The following MYO3A variants were observed in gnomAD, a reference collection of about 807,000 sequenced individuals.
The protein encoded by MYO3A is myosin IIIA.
Under a neutral mutation model 192.7 loss-of-function variants are expected in MYO3A, and 180 were observed. That is an observed-to-expected ratio of 0.93 (90% CI 0.83 to 1.06). The LOEUF is 1.06. MYO3A is among the 50% of genes least tolerant of loss of function. The probability of loss-of-function intolerance (pLI) is 0.00; values close to 1 mark genes in which losing one functional copy is unlikely to be tolerated. For missense variants in MYO3A, 1,896 were observed against 1,905.0 expected, an observed-to-expected ratio of 1.00 and a Z score of 0.09; for synonymous variants, 628 against 645.3, an observed-to-expected ratio of 0.97 and a Z score of 0.41.
chr10:26,170,880 C>G (rs981734086), intron 29 of MYO3A, among the ~76,000 whole-genome samples: 1 of 152,222 alleles, frequency 6.6e-6, no homozygotes, highest in African/African-American at 2.4e-5. Context: ...GCTTTAATAG[C>G]CAATATGCCA....
chr10:26,138,398 A>G (rs570861371), intron 20 of MYO3A, among the ~76,000 whole-genome samples: 2 of 152,328 alleles, frequency 1.3e-5, no homozygotes, highest in South Asian at 4.1e-4. Flanking sequence ...AGGTCTTCCA[A>G]CTGTATTTTT....
In MYO3A at chr10:26,026,443, T is replaced by C. The variant is rs1351001048; in HGVS notation, c.864T>C (p.Thr288=). The change falls in exon 10 of 35, where the codon ACT becomes ACC. Residue 288 remains threonine, a synonymous_variant. Coordinates refer to ENST00000642920, the MANE Select transcript of MYO3A (RefSeq NM_017433.5). ...AACTTTTACAGCATAAATTCATTAC[T>C]CAAATTGAGGGCAAAGATGTGATGC... ...VSELLQHKFI[T]QIEGKDVMLQ... is the part of the protein sequence containing the mutation. 1 of 1,614,140 alleles carries C rather than the reference T, an allele frequency of 6.2e-7. No individual in the cohort carries two copies. The highest frequency in any genetic ancestry group is 1.6e-4 in the Middle Eastern group (1 of 6,062).
At chr10:26,021,256 A>G (rs922247061) in intron 7 of MYO3A, among the ~76,000 whole-genome samples, 4 of 152,144 alleles carry the variant, frequency 2.6e-5, no homozygotes, top group African/African-American at 7.2e-5. Flanking sequence ...CATATTTTCA[A>G]AAATATTTTT....
chr10:26,120,772 C>CCTGGAGA lies in MYO3A; in HGVS notation c.1873_1874insCTGGAGA (p.His625ProfsTer6). The CCTGGAGA allele has an allele frequency of 6.2e-7, 1 of 1,614,038 alleles. No individual in the cohort carries two copies. The highest frequency in any genetic ancestry group is 8.5e-7 in the Non-Finnish European group (1 of 1,179,982). On this transcript the variant is annotated frameshift_variant, in exon 18 of 35. Transcript: ENST00000642920. LOFTEE classifies it high-confidence loss of function. ...AACTGAACACCAGATTGACAAGAGCCACATTTCTAATCATACAGCCCTGGA... is the reference window on the plus strand; with the variant it reads ...AACTGAACACCAGATTGACAAGAGCCCTGGAGAACATTTCTAATCATACAGCCCTGGA...
chr10:26,034,534 G>C (rs919160943), intron 10 of MYO3A, among the ~76,000 whole-genome samples: 1 of 152,160 alleles, frequency 6.6e-6, no homozygotes, highest in Admixed American at 6.5e-5. Context: ...GCACCGTTCT[G>C]AAAACAAGAT....
rs12265745 is a variant in MYO3A at position 26,134,135 on chromosome 10, T to G, written c.2262+5597T>G. ...ATCTTAGCATGCATTAGTATATATA[T>G]TTTTTTCTGAATAAGGAAGCTGCTG... On this transcript the variant is annotated intron_variant, in intron 20 of 34. Coordinates refer to ENST00000642920, the MANE Select transcript of MYO3A (RefSeq NM_017433.5). 5.8e-3 allele frequency among the ~76,000 whole-genome samples: 885 copies of G among 152,260 alleles called. 15 individuals are homozygous for G. Among genetic ancestry groups the G allele is most frequent in the African/African-American group, 0.02 (840 of 41,538 alleles).
At chr10:25,954,844 A>G in intron 3 of MYO3A, 30 bp from the exon 4 acceptor site, 1 of 1,603,624 alleles carries the variant, frequency 6.2e-7, no homozygotes, top group Middle Eastern at 1.8e-4. Flanking sequence ...GTTTTCTCAC[A>G]GTTCTATTCT....
rs533497850 is a variant in MYO3A, at chr10:26,129,898, G to T, written c.2262+1360G>T. On this transcript the variant is annotated intron_variant, in intron 20 of 34. Coordinates refer to ENST00000642920, the MANE Select transcript of MYO3A (RefSeq NM_017433.5). ...AAAACAAGTAAAAAATTTTTGGTTT[G>T]AACTTTTTGATATGATCTATCAGAA... 2.6e-5 allele frequency among the ~76,000 whole-genome samples: 4 copies of T among 152,204 alleles called. No homozygotes were observed. In the East Asian group the frequency reaches 7.7e-4, roughly 29 times the overall value.
chr10:26,014,382 A>C (rs1175516923), intron 6 of MYO3A, among the ~76,000 whole-genome samples: 2 of 152,156 alleles, frequency 1.3e-5, no homozygotes, highest in Admixed American at 1.3e-4. Flanking sequence ...TAAACTTCAT[A>C]TAACTTTCAG....
chr10:26,143,735 G>T, intron 21 of MYO3A, 134 bp downstream of exon 21: 1 of 1,078,360 alleles, frequency 9.3e-7, no homozygotes, highest in Non-Finnish European at 1.4e-6. Context: ...CTTTAAAGAA[G>T]AGCCTTTGGA....
At chr10:26,089,090 T>C (rs569220001) in intron 15 of MYO3A, among the ~76,000 whole-genome samples, 2 of 152,346 alleles carry the variant, frequency 1.3e-5, no homozygotes, top group South Asian at 4.1e-4. Flanking sequence ...TTCATTTTTC[T>C]TATGTTGGTT....
intron 8 of MYO3A, chr10:26,022,574 G>C (rs985097394): frequency 2.0e-5 from 3 of 151,978 alleles, no homozygotes; most frequent in African/African-American, 7.2e-5. Context: ...TTTACATACT[G>C]CTTATTTTGT....
intron 4 of MYO3A, among the ~76,000 whole-genome samples, chr10:25,964,977 T>C (rs1291544351): frequency 6.6e-6 from 1 of 152,206 alleles, no homozygotes; most frequent in African/African-American, 2.4e-5. Context: ...CCAGAAGTAT[T>C]GAACCTCATT....
At chr10:25,993,672 A>T (rs1289928804) in intron 4 of MYO3A, among the ~76,000 whole-genome samples, 1 of 152,200 alleles carries the variant, frequency 6.6e-6, no homozygotes, top group African/African-American at 2.4e-5. Flanking sequence ...TTCCCTCTAC[A>T]CACTGCTTTA....
At chr10:26,078,078 ATTC>A (rs1835702428) in intron 14 of MYO3A, among the ~76,000 whole-genome samples, 1 of 148,072 alleles carries the variant, frequency 6.8e-6, no homozygotes, top group Non-Finnish European at 1.5e-5. Flanking sequence ...GTTAGTAACA[ATTC>A]TTCTTTAATG....
intron 20 of MYO3A, 37 bp from the exon 21 acceptor site, chr10:26,143,411 T>G (rs753900848): frequency 6.4e-7 from 1 of 1,562,990 alleles, no homozygotes; most frequent in Non-Finnish European, 8.8e-7. Context: ...AAGCTATATA[T>G]TATTCACAGT....
At chr10:26,189,067 A>G (rs1406152474) in intron 31 of MYO3A, among the ~76,000 whole-genome samples, 2 of 152,204 alleles carry the variant, frequency 1.3e-5, no homozygotes, top group Non-Finnish European at 2.9e-5. Flanking sequence ...GAATCTATAA[A>G]CAAACCACTG....
chr10:25,949,693 G>A (rs893676759), intron 2 of MYO3A, among the ~76,000 whole-genome samples: 3 of 152,074 alleles, frequency 2.0e-5, no homozygotes, highest in African/African-American at 7.2e-5. Flanking sequence ...GTGCCCGTAA[G>A]TATAATGAAT....
chr10:26,038,582 CTTGTGGAG>C lies in MYO3A; in HGVS notation c.953+12055_953+12062del, dbSNP rs762109241. Among the ~76,000 whole-genome samples, 2 of 152,064 alleles carry C rather than the reference CTTGTGGAG, an allele frequency of 1.3e-5. 1 individual carries two copies. The highest frequency in any genetic ancestry group is 2.9e-5 in the Non-Finnish European group (2 of 68,002). ...CTGATTTATCAGTTCTAATAGTTTT[CTTGTGGAG>C]TTGTTTAGGTTTTTTCAAGTATACC... On this transcript the variant is annotated intron_variant, in intron 10 of 34. Transcript: ENST00000642920.
Sources: allele counts gnomAD v4.1 joint callset (sites outside exome capture counted in the v4.1 genomes callset), GRCh38; gene constraint gnomAD v4.1.1; transcripts MANE v1.5; gene names NCBI Gene and HGNC (gene_info 2026-07-23, HGNC 2026-07-21).